ABCA12: variants seen among roughly 807,000 people sequenced by gnomAD.
The protein encoded by ABCA12 is glucosylceramide transporter ABCA12.
Under a neutral mutation model 293.5 loss-of-function variants are expected in ABCA12, and 156 were observed. The observed-to-expected ratio is 0.53, with a 90% confidence interval of 0.47 to 0.61. The LOEUF is 0.61. Among genes scored for constraint, ABCA12 ranks in the 20% least tolerant of loss-of-function variants. The probability of loss-of-function intolerance (pLI) is 0.00; values close to 1 mark genes in which losing one functional copy is unlikely to be tolerated. For synonymous variants in ABCA12, 1,063 were observed against 1,108.0 expected (o/e 0.96, Z 0.81); for missense variants, 2,797 against 3,090.2 (o/e 0.91, Z 2.25).
chr2:215,109,854 C>T (rs1023577923), intron 2 of ABCA12, among the ~76,000 whole-genome samples: 3 of 152,220 alleles, frequency 2.0e-5, no homozygotes, highest in Non-Finnish European at 1.5e-5. Flanking sequence ...TCCTTAAAAA[C>T]AAGAAATTGG....
chr2:215,007,735 T>C lies in ABCA12; in HGVS notation c.2584A>G (p.Met862Val), dbSNP rs762115361. The C allele has an allele frequency of 3.3e-5, 53 of 1,613,904 alleles. No homozygotes were observed. The highest frequency in any genetic ancestry group is 4.5e-5 in the Non-Finnish European group (53 of 1,179,950). Residue 862 changes from methionine to valine, a missense_variant, in exon 19 of 53, where the codon ATG (methionine) becomes GTG (valine). Met to Val is a conservative substitution (Grantham distance 21). This residue lies in a region of ABCA12 where 2,130 missense variants were observed against 2,427.0 expected (regional missense o/e 0.88). Transcript: ENST00000272895. ...SFHLLNQAIP[M>V]LQNTLRNPFV... is the part of the protein sequence containing the mutation. ...ACAGAAGCATCTCATACCTGGAGCA[T>C]TGGAATTGCCTGGTTTAACAGATGG...
chr2:215,091,684 C>T (rs1702150393), intron 2 of ABCA12, among the ~76,000 whole-genome samples: 4 of 152,208 alleles, frequency 2.6e-5, no homozygotes, highest in Admixed American at 2.6e-4. Context: ...TTAACTTTGC[C>T]TTCAAGGTGT....
intron 23 of ABCA12, among the ~76,000 whole-genome samples, chr2:214,997,348 C>G (rs573353369): frequency 6.6e-6 from 1 of 152,166 alleles, no homozygotes; most frequent in African/African-American, 2.4e-5. Context: ...CCAACAATCT[C>G]TCTGCCTGAA....
At chr2:215,003,220 T>C (rs1006590262) in intron 20 of ABCA12, among the ~76,000 whole-genome samples, 2 of 152,148 alleles carry the variant, frequency 1.3e-5, no homozygotes, top group Non-Finnish European at 2.9e-5. Context: ...CTCATACCCA[T>C]GGTTGCATAG....
Position 215,026,957 on chromosome 2 carries a change from A to T in ABCA12, c.1062-19T>A, listed in dbSNP as rs1348846106. 2 of 1,508,186 alleles carry T rather than the reference A, an allele frequency of 1.3e-6. No individual in the cohort carries two copies. Among genetic ancestry groups the T allele is most frequent in the Admixed American group, 3.3e-5 (2 of 59,764 alleles). The allele number at this position is 1,508,186 out of a possible 1,614,324, so 93.4% of individuals were successfully genotyped here. A position where few individuals can be genotyped will look rare whatever the true frequency, so the allele number is the denominator to read the frequency against. On this transcript the variant is annotated intron_variant, in intron 9 of 52. Coordinates refer to ENST00000272895, the MANE Select transcript of ABCA12 (RefSeq NM_173076.3). ...TAGGAGCCTGCAGAATTAGAAAAGAATATAGAAATTAAGACATATAAAAGT... is the reference window on the plus strand; with the variant it reads ...TAGGAGCCTGCAGAATTAGAAAAGATTATAGAAATTAAGACATATAAAAGT...
chr2:215,038,308 G>C (rs1404778200), intron 7 of ABCA12, among the ~76,000 whole-genome samples: 1 of 152,100 alleles, frequency 6.6e-6, no homozygotes, highest in Non-Finnish European at 1.5e-5. Context: ...GTTGAAAAAA[G>C]TTAAGTAACT....
rs750672071 is a variant in ABCA12, at chr2:215,019,604, T to C, written c.1480A>G (p.Ile494Val). ...AASLLYHDNV[I>V]SKKVRDLLTG... ...AGCAAATCTCTCACTTTTTTAGATA[T>C]GACATTGTCATGGTACAGTAAGCTG... is the stretch of plus-strand genomic sequence containing the variant. Residue 494 changes from isoleucine to valine, a missense_variant, in exon 12 of 53, where the codon ATA becomes GTA. Ile to Val is a conservative substitution (Grantham distance 29). This residue lies in a region of ABCA12 where 656 missense variants were observed against 638.2 expected (regional missense o/e 1.03). Transcript: ENST00000272895. 1.1e-5 allele frequency: 17 copies of C among 1,614,096 alleles called. No homozygotes were observed. The African/African-American group carries it at 1.9e-4, about 18-fold the overall frequency.
chr2:215,001,557 C>T lies in ABCA12; in HGVS notation c.2863+1G>A. 6.2e-7 allele frequency: 1 copy of T among 1,613,634 alleles called. No individual in the cohort carries two copies. Among genetic ancestry groups the T allele is most frequent in the Non-Finnish European group, 8.5e-7 (1 of 1,179,696 alleles). ...TCAAACCCTAATAGAACAGCACTTA[C>T]TTCCAAAGAGTTCGTTGCTTTTGTA... On this transcript the variant is annotated splice_donor_variant, in intron 21 of 52. Coordinates refer to ENST00000272895, the MANE Select transcript of ABCA12 (RefSeq NM_173076.3). LOFTEE classifies it high-confidence loss of function.
At chr2:214,941,733 T>C (rs1698408617) in intron 50 of ABCA12, among the ~76,000 whole-genome samples, 1 of 152,044 alleles carries the variant, frequency 6.6e-6, no homozygotes, top group Admixed American at 6.5e-5. Context: ...TGATCTTTGT[T>C]GGTTTAAAGT....
chr2:214,958,589 G>A (rs1699023575), intron 40 of ABCA12, 135 bp from the exon 41 acceptor site: 1 of 877,514 alleles, frequency 1.1e-6, no homozygotes, highest in African/African-American at 1.7e-5. Context: ...ATCCTGCAAG[G>A]CAGCCAGATA....
intron 2 of ABCA12, among the ~76,000 whole-genome samples, chr2:215,104,692 G>C (rs1702426521): frequency 6.6e-6 from 1 of 152,262 alleles, no homozygotes; most frequent in Non-Finnish European, 1.5e-5. Flanking sequence ...TGGGTCTTTG[G>C]CCGTGAAATT....
intron 41 of ABCA12, among the ~76,000 whole-genome samples, chr2:214,957,089 A>G (rs1458318702): frequency 6.6e-6 from 1 of 152,206 alleles, no homozygotes; most frequent in Non-Finnish European, 1.5e-5. Context: ...AGTGAGAAAG[A>G]TAAGACAGCC....
chr2:215,079,610 C>A (rs1290373154), intron 2 of ABCA12, among the ~76,000 whole-genome samples: 1 of 152,156 alleles, frequency 6.6e-6, no homozygotes, highest in East Asian at 1.9e-4. Context: ...TACTTCTTTC[C>A]CTTTCTATTG....
chr2:214,952,695 A>G (rs890243457), intron 44 of ABCA12, among the ~76,000 whole-genome samples: 7 of 152,184 alleles, frequency 4.6e-5, no homozygotes, highest in Admixed American at 2.0e-4. Context: ...TCTCTGTTCA[A>G]AAACTCTCAA....
chr2:215,137,887 C>CT (rs1009522612), intron 1 of ABCA12, among the ~76,000 whole-genome samples: 136 of 148,588 alleles, frequency 9.2e-4, no homozygotes, highest in East Asian at 1.8e-3. Flanking sequence ...GAGTCATGTT[C>CT]TTTTTTTTTT....
At chr2:214,994,925 T>C (rs1035069689) in intron 23 of ABCA12, among the ~76,000 whole-genome samples, 1 of 152,134 alleles carries the variant, frequency 6.6e-6, no homozygotes, top group Non-Finnish European at 1.5e-5. Context: ...ATGACTTACA[T>C]TAGATCAAAC....
intron 1 of ABCA12, among the ~76,000 whole-genome samples, chr2:215,132,579 ATTTG>A (rs1301875621): frequency 1.3e-5 from 2 of 149,658 alleles, no homozygotes; most frequent in South Asian, 4.2e-4. Context: ...TTTCTTTTCC[ATTTG>A]TGTGATATAT....
At chr2:214,995,926 G>A (rs773698269) in intron 23 of ABCA12, among the ~76,000 whole-genome samples, 11 of 152,126 alleles carry the variant, frequency 7.2e-5, no homozygotes, top group Non-Finnish European at 1.2e-4. Context: ...CTACATTCTG[G>A]AAATAAATGT....
At chr2:214,936,612 TA>T (rs1375770688) in intron 51 of ABCA12, among the ~76,000 whole-genome samples, 1 of 152,234 alleles carries the variant, frequency 6.6e-6, no homozygotes, top group Non-Finnish European at 1.5e-5. Context: ...CTATGTTAGG[TA>T]TATATGCATA....
Sources: allele counts gnomAD v4.1 joint callset (sites outside exome capture counted in the v4.1 genomes callset), GRCh38; gene constraint gnomAD v4.1.1; regional missense constraint gnomAD v4.1.1; transcripts MANE v1.5; gene names NCBI Gene and HGNC (gene_info 2026-07-23, HGNC 2026-07-21).